Variants in FAM222A observed in about 807,000 individuals in gnomAD.
The protein encoded by FAM222A is family with sequence similarity 222 member A, also known as protein FAM222A.
In FAM222A, 7 loss-of-function variants were observed where a neutral mutation model predicts 25.8. The ratio of observed to expected loss-of-function variants is 0.27; its 90% CI spans 0.15 to 0.51. The LOEUF is 0.51. Among genes scored for constraint, FAM222A ranks in the 20% least tolerant of loss-of-function variants. The probability of loss-of-function intolerance (pLI) is 0.97; values close to 1 mark genes in which losing one functional copy is unlikely to be tolerated. For synonymous variants in FAM222A, 294 were observed against 298.8 expected (o/e 0.98, Z 0.17); for missense variants, 573 against 640.5 (o/e 0.89, Z 1.14).
At chr12:109,749,619 T>C (rs552417192) in intron 2 of FAM222A, among the ~76,000 whole-genome samples, 1 of 152,362 alleles carries the variant, frequency 6.6e-6, no homozygotes, top group Non-Finnish European at 1.5e-5. Flanking sequence ...CTCCCATTAA[T>C]TAGGCTATTA....
chr12:109,717,675 T>C (rs542377997), intron 1 of FAM222A, among the ~76,000 whole-genome samples: 2 of 152,282 alleles, frequency 1.3e-5, no homozygotes, highest in Admixed American at 6.5e-5. Flanking sequence ...AGAGGATCCA[T>C]TGATCTCCTT....
chr12:109,733,542 T>C (rs1292624318), intron 1 of FAM222A, among the ~76,000 whole-genome samples: 4 of 152,138 alleles, frequency 2.6e-5, no homozygotes, highest in African/African-American at 4.8e-5. Flanking sequence ...TAGCTGGGAC[T>C]ACAGGCACAC....
chr12:109,760,045 G>C (rs965720289), intron 2 of FAM222A, among the ~76,000 whole-genome samples: 1 of 152,172 alleles, frequency 6.6e-6, no homozygotes, highest in Admixed American at 6.5e-5. Flanking sequence ...GTGGGCCAGG[G>C]GTATGTAGGC....
intron 1 of FAM222A, among the ~76,000 whole-genome samples, chr12:109,725,748 TA>T (rs1159993389): frequency 6.6e-6 from 1 of 151,774 alleles, no homozygotes; most frequent in Non-Finnish European, 1.5e-5. Context: ...TTGTGCTTTG[TA>T]AACGCTCACA....
chr12:109,765,788 C>T (rs1293091855), intron 2 of FAM222A, among the ~76,000 whole-genome samples: 1 of 152,234 alleles, frequency 6.6e-6, no homozygotes, highest in Non-Finnish European at 1.5e-5. Context: ...GCTGCGATGC[C>T]AGTCCCACCT....
At chr12:109,765,979 A>G (rs1221465263) in intron 2 of FAM222A, among the ~76,000 whole-genome samples, 1 of 152,226 alleles carries the variant, frequency 6.6e-6, no homozygotes, top group Non-Finnish European at 1.5e-5. Context: ...TAGCAGTAGC[A>G]TCACCCCATT....
rs1565849558 is a variant in FAM222A at position 109,768,056 on chromosome 12, C to G, written c.127C>G (p.Pro43Ala). ...CATGCATTCCTCCCGCTACCCGAGC[C>G]CAGCAGAACTGGACGCCTATGCCGA... ...SAMHSSRYPS[P>A]AELDAYAEKV... The change falls in exon 3 of 3, where the codon CCA becomes GCA. Residue 43 changes from proline (P) to alanine (A), a missense_variant. Transcript: ENST00000538780. 1 of 1,613,876 alleles carries G rather than the reference C, an allele frequency of 6.2e-7. No homozygotes were observed. The highest frequency in any genetic ancestry group is 1.1e-5 in the South Asian group (1 of 91,082).
chr12:109,754,830 G>A (rs993690301), intron 2 of FAM222A, among the ~76,000 whole-genome samples: 1 of 152,066 alleles, frequency 6.6e-6, no homozygotes. Context: ...ACCATGCTCA[G>A]ATAATTTTTT....
chr12:109,759,944 G>A (rs1052573748), intron 2 of FAM222A, among the ~76,000 whole-genome samples: 2 of 152,170 alleles, frequency 1.3e-5, no homozygotes, highest in African/African-American at 2.4e-5. Context: ...AAAGTAGACC[G>A]ACAGCTACAG....
At chr12:109,763,675 G>A (rs1352039161) in intron 2 of FAM222A, among the ~76,000 whole-genome samples, 1 of 152,174 alleles carries the variant, frequency 6.6e-6, no homozygotes, top group Non-Finnish European at 1.5e-5. Context: ...CTACTTTTAT[G>A]ACTGAGCCCT....
intron 1 of FAM222A, among the ~76,000 whole-genome samples, chr12:109,725,456 C>CA (rs918952850): frequency 6.6e-6 from 1 of 151,526 alleles, no homozygotes; most frequent in African/African-American, 2.4e-5. Context: ...CCTAGGTCTG[C>CA]ACCCTGTGGG....
intron 2 of FAM222A, among the ~76,000 whole-genome samples, chr12:109,756,159 T>C (rs1888721255): frequency 6.6e-6 from 1 of 152,254 alleles, no homozygotes; most frequent in Non-Finnish European, 1.5e-5. Flanking sequence ...TTTTGCTCTT[T>C]TGTTAAATTT....
chr12:109,719,138 A>G (rs1887703392), intron 1 of FAM222A, among the ~76,000 whole-genome samples: 1 of 152,204 alleles, frequency 6.6e-6, no homozygotes, highest in Non-Finnish European at 1.5e-5. Context: ...TGACCACTCC[A>G]GTGGTCACAG....
At chr12:109,721,519 T>C (rs113396648) in intron 1 of FAM222A, among the ~76,000 whole-genome samples, 2 of 152,376 alleles carry the variant, frequency 1.3e-5, no homozygotes. Flanking sequence ...CTTGGGTTCC[T>C]TCCAGGGCTC....
At chr12:109,767,062 CTTTTTTTTTT>C (rs757766627) in intron 2 of FAM222A, among the ~76,000 whole-genome samples, 115 of 93,080 alleles carry the variant, frequency 1.2e-3, no homozygotes, top group Non-Finnish European at 1.7e-3. Flanking sequence ...TGCTTGGCTT[CTTTTTTTTTT>C]TTTTTTTTTT....
rs753083569 is a variant in FAM222A, at chr12:109,768,202, C to T, written c.273C>T (p.Pro91=). 20 of 1,613,120 alleles carry T rather than the reference C, an allele frequency of 1.2e-5. No homozygotes were observed. In the South Asian group the frequency reaches 2.0e-4, roughly 16 times the overall value. The part of the protein sequence containing the change: ...GYDTSGQRYS[P]YPQHTAGYQG... ...ACACCAGTGGCCAGCGCTACAGCCC[C>T]TACCCACAGCACACCGCTGGCTACC... The change falls in exon 3 of 3, where the codon CCC becomes CCT. Residue 91 remains proline, a synonymous_variant. Transcript: ENST00000538780.
intron 1 of FAM222A, among the ~76,000 whole-genome samples, chr12:109,723,302 TAAG>T (rs1887782994): frequency 6.6e-6 from 1 of 152,186 alleles, no homozygotes; most frequent in Non-Finnish European, 1.5e-5. Context: ...CAAAGGGACA[TAAG>T]GAGGCCAGGC....
At position 109,741,451 on chromosome 12, in the gene FAM222A, A is replaced by G. The variant is rs560931737; in HGVS notation, c.-46-2650A>G. Reference sequence around the variant, plus strand: ...CTCCCAGAACTGCCTGGCATCCACCATAAGAGCACGCTGACAACTAGAGCC... The same window carrying G: ...CTCCCAGAACTGCCTGGCATCCACCGTAAGAGCACGCTGACAACTAGAGCC... On this transcript the variant is annotated intron_variant, in intron 1 of 2. Transcript: ENST00000538780. Among the ~76,000 whole-genome samples, 6 of 152,310 alleles carry G rather than the reference A, an allele frequency of 3.9e-5. No homozygotes were observed. In the South Asian group the frequency reaches 1.2e-3, roughly 32 times the overall value.
At chr12:109,767,116 C>T (rs76211244) in intron 2 of FAM222A, among the ~76,000 whole-genome samples, 5,643 of 148,236 alleles carry the variant, frequency 0.038, 403 homozygotes, top group African/African-American at 0.13. Context: ...GCTGTGTCAC[C>T]CAGTCTGATC....
Sources: allele counts gnomAD v4.1 joint callset (sites outside exome capture counted in the v4.1 genomes callset), GRCh38; gene constraint gnomAD v4.1.1; transcripts MANE v1.5; gene names NCBI Gene and HGNC (gene_info 2026-07-23, HGNC 2026-07-21).